Variants in CCDC171 observed in about 807,000 individuals in gnomAD.
The protein encoded by CCDC171 is coiled-coil domain-containing protein 171.
CCDC171 carries 177 observed loss-of-function variants against 168.2 expected under a neutral mutation model. That is an observed-to-expected ratio of 1.05 (90% CI 0.93 to 1.19). The LOEUF (loss-of-function observed/expected upper bound fraction) is 1.19. CCDC171 is among the 50% of genes most tolerant of loss of function. The probability of loss-of-function intolerance (pLI) is 0.00; values close to 1 mark genes in which losing one functional copy is unlikely to be tolerated. For missense variants in CCDC171, 1,991 were observed against 1,539.0 expected (o/e 1.29, Z -4.91); for synonymous variants, 687 against 540.8 (o/e 1.27, Z -3.75).
rs1294532626 is a variant in CCDC171, at chr9:15,582,395, A to G, written c.352+3372A>G. On this transcript the variant is annotated intron_variant, in intron 4 of 25. Coordinates refer to ENST00000380701, the MANE Select transcript of CCDC171 (RefSeq NM_173550.4). ...GGCGATTCCTCAAGGATCTAGAACT[A>G]GAAATACCATTTGACCCAGCCATCC... Among the ~76,000 whole-genome samples, 6 of 152,396 alleles carry G rather than the reference A, an allele frequency of 3.9e-5. No homozygotes were observed. The East Asian group carries it at 5.8e-4, about 15-fold the overall frequency.
intron 6 of CCDC171, among the ~76,000 whole-genome samples, chr9:15,602,571 A>G (rs187225932): frequency 1.3e-4 from 19 of 149,720 alleles, no homozygotes; most frequent in Admixed American, 1.0e-3. Context: ...TATTAACATG[A>G]GTGAATTCTT....
chr9:15,623,268 A>C lies in CCDC171; in HGVS notation c.677A>C (p.Glu226Ala). The C allele has an allele frequency of 6.4e-7, 1 of 1,558,412 alleles. No homozygotes were observed. The highest frequency in any genetic ancestry group is 8.7e-7 in the Non-Finnish European group (1 of 1,148,422). Residue 226 changes from glutamate (E) to alanine (A), a missense_variant and splice_region_variant, in exon 7 of 26, where the codon GAG (glutamate) becomes GCG (alanine). By Grantham distance (107) the Glu-to-Ala change is moderately radical. Transcript: ENST00000380701. Reference protein sequence around the residue: ...ERRELQFIVQEQDTAVQNMHK... With the variant: ...ERRELQFIVQAQDTAVQNMHK... ...ATGCAAAAATGAATTATTTTCCAGG[A>C]GCAAGATACTGCTGTGCAAAATATG...
At chr9:15,603,122 C>G (rs1028487707) in intron 6 of CCDC171, among the ~76,000 whole-genome samples, 2 of 151,912 alleles carry the variant, frequency 1.3e-5, no homozygotes, top group Admixed American at 6.5e-5. Flanking sequence ...GCTGGGCCTA[C>G]AGGCGCCCGT....
chr9:16,037,041 A>G (rs1833483831), intron 8 of CCDC171, among the ~76,000 whole-genome samples: 1 of 152,196 alleles, frequency 6.6e-6, no homozygotes, highest in South Asian at 2.1e-4. Flanking sequence ...CGGATACAAA[A>G]TTACAGCTAG....
chr9:15,606,888 A>T (rs1457198975), intron 6 of CCDC171, among the ~76,000 whole-genome samples: 1 of 152,202 alleles, frequency 6.6e-6, no homozygotes, highest in African/African-American at 2.4e-5. Flanking sequence ...CAGTGTCCTT[A>T]ATATGATTTT....
intron 18 of CCDC171, among the ~76,000 whole-genome samples, chr9:15,752,659 G>A (rs571657227): frequency 1.1e-4 from 16 of 152,196 alleles, no homozygotes; most frequent in South Asian, 2.1e-4. Flanking sequence ...ACCAAACAGC[G>A]CATGTTCTCA....
At chr9:15,625,975 G>A (rs566141170) in intron 7 of CCDC171, among the ~76,000 whole-genome samples, 1 of 152,268 alleles carries the variant, frequency 6.6e-6, no homozygotes, top group African/African-American at 2.4e-5. Flanking sequence ...CCATTTGTTT[G>A]TGTTCTCTTT....
At chr9:15,827,995 GT>G (rs1298722126) in intron 21 of CCDC171, among the ~76,000 whole-genome samples, 1 of 152,130 alleles carries the variant, frequency 6.6e-6, no homozygotes, top group African/African-American at 2.4e-5. Context: ...GTCTTCAATA[GT>G]AGGATTTCAT....
chr9:15,570,491 C>G (rs1489873395), intron 2 of CCDC171, among the ~76,000 whole-genome samples: 1 of 151,774 alleles, frequency 6.6e-6, no homozygotes, highest in Non-Finnish European at 1.5e-5. Context: ...ATATTAGATG[C>G]TTATTAAACT....
At chr9:16,027,331 A>G (rs10738423) in intron 6 of CCDC171, among the ~76,000 whole-genome samples, 56,105 of 151,922 alleles carry the variant, frequency 0.37, 12,232 homozygotes, top group East Asian at 0.63. Flanking sequence ...AAAGAGACTG[A>G]CTGACTGAAT....
chr9:15,675,185 C>CTTTT (rs1333419781), intron 9 of CCDC171, among the ~76,000 whole-genome samples: 1 of 65,468 alleles, frequency 1.5e-5, no homozygotes, highest in Admixed American at 2.3e-4. Context: ...ATTGCAACTC[C>CTTTT]TGTTTTTTTT....
intron 9 of CCDC171, among the ~76,000 whole-genome samples, chr9:15,673,951 G>A (rs1466018281): frequency 6.6e-6 from 1 of 152,086 alleles, no homozygotes; most frequent in East Asian, 1.9e-4. Context: ...ACCTCTGGTA[G>A]TATTTGGCTG....
At chr9:15,603,910 A>G (rs912661223) in intron 6 of CCDC171, among the ~76,000 whole-genome samples, 1 of 152,178 alleles carries the variant, frequency 6.6e-6, no homozygotes, top group African/African-American at 2.4e-5. Flanking sequence ...CCTTGCCAGC[A>G]TCTGTTGTTT....
intron 21 of CCDC171, among the ~76,000 whole-genome samples, chr9:15,807,309 G>A (rs754375300): frequency 2.0e-5 from 3 of 152,224 alleles, no homozygotes; most frequent in Non-Finnish European, 2.9e-5. Context: ...TGATTTCCCA[G>A]AGTTCTTGCA....
intron 25 of CCDC171, among the ~76,000 whole-genome samples, chr9:15,940,652 T>A (rs1191725427): frequency 6.6e-6 from 1 of 152,014 alleles, no homozygotes; most frequent in Non-Finnish European, 1.5e-5. Context: ...TAGCTTTATC[T>A]CCTCAATATT....
At chr9:15,649,939 C>T (rs1444132421) in intron 7 of CCDC171, among the ~76,000 whole-genome samples, 1 of 152,134 alleles carries the variant, frequency 6.6e-6, no homozygotes, top group Admixed American at 6.6e-5. Flanking sequence ...GCTATAAAGA[C>T]ACAGGCACAC....
At chr9:15,909,407 CACA>C (rs775925095) in intron 24 of CCDC171, among the ~76,000 whole-genome samples, 21,773 of 150,578 alleles carry the variant, frequency 0.14, 2,030 homozygotes, top group Non-Finnish European at 0.21. Context: ...TGCGTACACA[CACA>C]CACACACACA....
intron 3 of CCDC171, among the ~76,000 whole-genome samples, chr9:15,983,421 A>C (rs1029759421): frequency 2.0e-5 from 3 of 151,662 alleles, no homozygotes; most frequent in Non-Finnish European, 2.9e-5. Context: ...CTCTCTTCTT[A>C]GGTAATATGC....
chr9:15,696,501 G>GATACC (rs1192933357), intron 11 of CCDC171, among the ~76,000 whole-genome samples: 1 of 152,140 alleles, frequency 6.6e-6, no homozygotes, highest in Non-Finnish European at 1.5e-5. Flanking sequence ...ATAAAAGTAG[G>GATACC]TGCAGGTATC....
Sources: gnomAD v4.1 joint callset for allele counts (sites outside exome capture counted in the v4.1 genomes callset) on GRCh38, gnomAD v4.1.1 for gene constraint, MANE v1.5 for transcripts, NCBI Gene and HGNC (gene_info 2026-07-23, HGNC 2026-07-21) for gene names.